The following SPART variants were observed in gnomAD, a reference collection of about 807,000 sequenced individuals.
The protein encoded by SPART is spartin, also known as spastic paraplegia 20 (Troyer syndrome).
Under a neutral mutation model 58.7 loss-of-function variants are expected in SPART, and 35 were observed. That is an observed-to-expected ratio of 0.60 (90% CI 0.46 to 0.79). The LOEUF (loss-of-function observed/expected upper bound fraction) is 0.79, where lower values mean the gene tolerates loss of function less well. Among genes scored for constraint, SPART ranks in the 30% least tolerant of loss-of-function variants. SPART has a pLI of 0.00. For missense variants in SPART, 730 were observed against 786.1 expected (o/e 0.93, Z 0.85); for synonymous variants, 284 against 280.7 (o/e 1.01, Z -0.12).
chr13:36,324,184 T>G (rs1882684327), intron 5 of SPART, among the ~76,000 whole-genome samples: 1 of 152,210 alleles, frequency 6.6e-6, no homozygotes, highest in African/African-American at 2.4e-5. Context: ...GTCACATTCC[T>G]TGCATCTGGG....
rs139385825 is a variant in SPART, at chr13:36,321,998, C to T, written c.1288+4577G>A. Reference sequence around the variant, plus strand: ...CACTGAGCACCTTGCGACCCCCACTCCTGCCCGCCAGAGAACAAACCCCCT... The same window carrying T: ...CACTGAGCACCTTGCGACCCCCACTTCTGCCCGCCAGAGAACAAACCCCCT... On this transcript the variant is annotated intron_variant, in intron 5 of 8. Transcript: ENST00000438666. Among the ~76,000 whole-genome samples, 1,157 of 152,184 alleles carry T rather than the reference C, an allele frequency of 7.6e-3. 20 individuals are homozygous for T. The highest frequency in any genetic ancestry group is 0.027 in the African/African-American group (1,111 of 41,504).
intron 5 of SPART, among the ~76,000 whole-genome samples, chr13:36,324,326 T>C (rs1055658249): frequency 5.3e-5 from 8 of 152,168 alleles, no homozygotes; most frequent in Non-Finnish European, 1.5e-5. Context: ...AGTCACTAGG[T>C]AGAAGCCAGA....
intron 5 of SPART, among the ~76,000 whole-genome samples, chr13:36,319,257 G>C (rs1174095399): frequency 1.3e-5 from 2 of 151,512 alleles, no homozygotes; most frequent in Admixed American, 1.3e-4. Flanking sequence ...CTGGACTACA[G>C]CTGTATCTCA....
intron 1 of SPART, among the ~76,000 whole-genome samples, chr13:36,356,759 A>G (rs1425187356): frequency 6.6e-6 from 1 of 152,162 alleles, no homozygotes; most frequent in Admixed American, 6.5e-5. Context: ...GACCACGATC[A>G]CTCATATTTG....
chr13:36,343,099 C>T (rs1212877843), intron 1 of SPART, among the ~76,000 whole-genome samples: 1 of 152,166 alleles, frequency 6.6e-6, no homozygotes, highest in East Asian at 1.9e-4. Context: ...TAAACTTCTA[C>T]TCTTAATAAT....
rs1883840697 is a variant in SPART, at chr13:36,335,096, A to G, written c.735T>C (p.Pro245=). ...AAAACCTCACAATTCGAAGGTACCC[A>G]GGATACGAAGGTGCACTAACCTCCC... ...PAGEVSAPSY[P]GYLRIVRFLD... is the part of the protein sequence containing the mutation. The change falls in exon 2 of 9, where the codon CCT becomes CCC. Residue 245 remains proline, a synonymous_variant. Transcript: ENST00000438666. The G allele has an allele frequency of 6.2e-7, 1 of 1,614,068 alleles. No homozygotes were observed. Among genetic ancestry groups the G allele is most frequent in the South Asian group, 1.1e-5 (1 of 91,090 alleles).
chr13:36,356,874 A>G (rs1885640743), intron 1 of SPART, among the ~76,000 whole-genome samples: 1 of 152,176 alleles, frequency 6.6e-6, no homozygotes, highest in Non-Finnish European at 1.5e-5. Flanking sequence ...ACTAAATTGA[A>G]ATTTGTAAAA....
At chr13:36,344,117 T>A (rs2137644641) in intron 1 of SPART, among the ~76,000 whole-genome samples, 1 of 151,724 alleles carries the variant, frequency 6.6e-6, no homozygotes, top group South Asian at 2.1e-4. Context: ...AATCTAAAAG[T>A]CCTACTATGT....
intron 1 of SPART, among the ~76,000 whole-genome samples, chr13:36,340,044 G>T (rs948557136): frequency 6.6e-6 from 1 of 152,046 alleles, no homozygotes; most frequent in Non-Finnish European, 1.5e-5. Flanking sequence ...CTCCAGCCTG[G>T]GTTGAAAGAG....
chr13:36,319,182 C>T (rs1317321488), intron 5 of SPART, among the ~76,000 whole-genome samples: 9 of 145,056 alleles, frequency 6.2e-5, no homozygotes, highest in East Asian at 4.7e-4. Context: ...TTTAGTTATC[C>T]CCACCTGCCC....
rs976629581 is a variant in SPART, at chr13:36,302,148, T to C, written c.*2217A>G. 1.3e-5 allele frequency: 2 copies of C among 152,118 alleles called. No homozygotes were observed. Among genetic ancestry groups the C allele is most frequent in the East Asian group, 1.9e-4 (1 of 5,200 alleles). The allele number at this position is 152,118 out of a possible 1,614,324, so 9.4% of individuals were successfully genotyped here. A position where few individuals can be genotyped will look rare whatever the true frequency, so the allele number is the denominator to read the frequency against. ...TAAGAAAATAGGAAGAACATACATATAGGTAATTGGCAGCTTTCCATGTCT... is the reference window on the plus strand; with the variant it reads ...TAAGAAAATAGGAAGAACATACATACAGGTAATTGGCAGCTTTCCATGTCT... On this transcript the variant is annotated 3_prime_UTR_variant, in exon 9 of 9. Transcript: ENST00000438666.
intron 1 of SPART, chr13:36,345,493 A>G (rs1291708411): frequency 1.3e-5 from 2 of 152,180 alleles, no homozygotes; most frequent in African/African-American, 4.8e-5. Flanking sequence ...CTGGAACGCA[A>G]ATTCGTTAAA....
At chr13:36,358,434 A>G (rs1278132411) in intron 1 of SPART, among the ~76,000 whole-genome samples, 3 of 152,198 alleles carry the variant, frequency 2.0e-5, no homozygotes, top group African/African-American at 7.2e-5. Context: ...TGAAAGTTGA[A>G]TTTACCTATT....
chr13:36,326,414 G>A, intron 5 of SPART, 161 bp downstream of exon 5: 2 of 787,522 alleles, frequency 2.5e-6, no homozygotes, highest in Admixed American at 5.0e-5. Flanking sequence ...AATATCTGAT[G>A]TTTCAAAAGA....
chr13:36,331,603 G>C lies in SPART; in HGVS notation c.811-7C>G. The C allele has an allele frequency of 6.2e-7, 1 of 1,605,180 alleles. No individual in the cohort carries two copies. The highest frequency in any genetic ancestry group is 8.5e-7 in the Non-Finnish European group (1 of 1,173,348). On this transcript the variant is annotated splice_polypyrimidine_tract_variant and splice_region_variant and intron_variant, in intron 2 of 8. Transcript: ENST00000438666. ...GATATAACCAGTCACAAACCTGAAAGGATTCATTAGAAGAAAAAAAATATA... is the reference window on the plus strand; with the variant it reads ...GATATAACCAGTCACAAACCTGAAACGATTCATTAGAAGAAAAAAAATATA...
At chr13:36,330,354 CT>C (rs139469005) in intron 3 of SPART, among the ~76,000 whole-genome samples, 1,562 of 152,096 alleles carry the variant, frequency 0.01, 28 homozygotes, top group African/African-American at 0.036. Flanking sequence ...ATAATTGCTG[CT>C]ATGCTAAAGT....
Position 36,335,520 on chromosome 13 carries a change from T to A in SPART, c.311A>T (p.Gln104Leu). 1 of 1,614,184 alleles carries A rather than the reference T, an allele frequency of 6.2e-7. No homozygotes were observed. The highest frequency in any genetic ancestry group is 8.5e-7 in the Non-Finnish European group (1 of 1,180,036). The change falls in exon 2 of 9, where the codon CAG becomes CTG. Residue 104 changes from glutamine (Q) to leucine (L), a missense_variant. Transcript: ENST00000438666. The stretch of plus-strand genomic sequence containing the variant: ...CTTGGGCACCTCCTGAAGATCATTC[T>A]GCAGAGAAGTGGCAAGACCCTTCTC... ...ILEKGLATSL[Q>L]NDLQEVPKLY...
chr13:36,319,128 C>A (rs1024545586), intron 5 of SPART, among the ~76,000 whole-genome samples: 5 of 150,742 alleles, frequency 3.3e-5, no homozygotes, highest in Non-Finnish European at 7.4e-5. Context: ...TAAAACTCCC[C>A]AACTCTGGTG....
intron 1 of SPART, among the ~76,000 whole-genome samples, chr13:36,345,237 G>A (rs1189343936): frequency 1.3e-5 from 2 of 152,116 alleles, no homozygotes; most frequent in Non-Finnish European, 2.9e-5. Context: ...GGAAACCATA[G>A]ACAACGACGT....
Sources: gnomAD v4.1 joint callset for allele counts (sites outside exome capture counted in the v4.1 genomes callset) on GRCh38, gnomAD v4.1.1 for gene constraint, MANE v1.5 for transcripts, NCBI Gene and HGNC (gene_info 2026-07-23, HGNC 2026-07-21) for gene names.